The following PCDH15 variants were observed in gnomAD, a reference collection of about 807,000 sequenced individuals.
The protein encoded by PCDH15 is protocadherin-15.
PCDH15 carries 129 observed loss-of-function variants against 178.5 expected under a neutral mutation model. The observed-to-expected ratio is 0.72, with a 90% confidence interval of 0.63 to 0.84. PCDH15 has a LOEUF of 0.84. Ranked by LOEUF, PCDH15 falls within the 40% of genes least tolerant of loss-of-function variation. The pLI is 0.00. For missense variants in PCDH15, 2,230 were observed against 2,099.9 expected, an observed-to-expected ratio of 1.06 and a Z score of -1.21; for synonymous variants, 800 against 732.0, an observed-to-expected ratio of 1.09 and a Z score of -1.50.
At chr10:54,056,488 G>A (rs1346574720) in intron 18 of PCDH15, among the ~76,000 whole-genome samples, 1 of 152,098 alleles carries the variant, frequency 6.6e-6, no homozygotes, top group African/African-American at 2.4e-5. Context: ...CTTGTGCAGG[G>A]GATCTCCCAT....
intron 8 of PCDH15, among the ~76,000 whole-genome samples, chr10:54,256,791 ACT>A (rs1447890779): frequency 2.0e-5 from 3 of 151,976 alleles, no homozygotes; most frequent in Non-Finnish European, 4.4e-5. Flanking sequence ...TCACATTTCA[ACT>A]CAAATTCTCC....
intron 2 of PCDH15, among the ~76,000 whole-genome samples, chr10:54,919,047 C>T (rs563713596): frequency 2.4e-4 from 36 of 152,090 alleles, no homozygotes; most frequent in African/African-American, 8.2e-4. Flanking sequence ...ATATTAAATG[C>T]TGTTGCTTTC....
intron 1 of PCDH15, among the ~76,000 whole-genome samples, chr10:54,786,220 G>A (rs1458435961): frequency 1.3e-5 from 2 of 152,004 alleles, no homozygotes; most frequent in African/African-American, 2.4e-5. Flanking sequence ...GTATATCAAT[G>A]CTAGGATAAT....
chr10:55,111,791 C>T lies in PCDH15; in HGVS notation c.-80+54785G>A, dbSNP rs562032284. On this transcript the variant is annotated intron_variant, in intron 2 of 5. Coordinates refer to the PCDH15 transcript ENST00000458638. ...CTGGGAGGCAGAGGGTGCAGTGAGCCGAGATCATGCCATTGCACTACATTG... is the reference window on the plus strand; with the variant it reads ...CTGGGAGGCAGAGGGTGCAGTGAGCTGAGATCATGCCATTGCACTACATTG... Among the ~76,000 whole-genome samples, 19 of 152,094 alleles carry T rather than the reference C, an allele frequency of 1.2e-4. 1 individual carries two copies. The highest frequency in any genetic ancestry group is 6.8e-3 in the Middle Eastern group (2 of 294).
intron 8 of PCDH15, among the ~76,000 whole-genome samples, chr10:54,286,817 G>C (rs1053031807): frequency 6.6e-6 from 1 of 152,084 alleles, no homozygotes; most frequent in East Asian, 1.9e-4. Flanking sequence ...TAGTAGAGAC[G>C]GGGTTTTGCC....
intron 3 of PCDH15, among the ~76,000 whole-genome samples, chr10:54,417,355 C>A (rs1954587575): frequency 6.6e-6 from 1 of 151,990 alleles, no homozygotes; most frequent in South Asian, 2.1e-4. Context: ...GGTCTGAGAT[C>A]TTAGTCTAGC....
chr10:54,723,307 C>G (rs1941949771), intron 1 of PCDH15, among the ~76,000 whole-genome samples: 1 of 151,666 alleles, frequency 6.6e-6, no homozygotes, highest in South Asian at 2.1e-4. Context: ...GAAAGATGCT[C>G]TATTCAATAA....
chr10:54,586,936 T>C (rs748755951), intron 2 of PCDH15, among the ~76,000 whole-genome samples: 4 of 152,190 alleles, frequency 2.6e-5, no homozygotes, highest in Non-Finnish European at 5.9e-5. Context: ...TTGTTCTCTG[T>C]TATTTCGCAA....
chr10:54,458,651 C>T (rs1457108895), intron 3 of PCDH15, among the ~76,000 whole-genome samples: 1 of 152,024 alleles, frequency 6.6e-6, no homozygotes, highest in Non-Finnish European at 1.5e-5. Flanking sequence ...TATATATTTA[C>T]TTGCAGAACT....
At chr10:54,231,765 T>C (rs919185911) in intron 9 of PCDH15, among the ~76,000 whole-genome samples, 3 of 152,198 alleles carry the variant, frequency 2.0e-5, no homozygotes, top group African/African-American at 7.2e-5. Context: ...GGAGATTATT[T>C]TGGAGATTTA....
At chr10:54,463,297 T>C (rs549724617) in intron 3 of PCDH15, among the ~76,000 whole-genome samples, 78 of 152,294 alleles carry the variant, frequency 5.1e-4, no homozygotes, top group Non-Finnish European at 8.5e-4. Flanking sequence ...TCACATTAAG[T>C]GTCATTTGCA....
intron 2 of PCDH15, among the ~76,000 whole-genome samples, chr10:55,594,395 A>C (rs1842902024): frequency 6.6e-6 from 1 of 152,038 alleles, no homozygotes; most frequent in Non-Finnish European, 1.5e-5. Flanking sequence ...AGGAAAACTA[A>C]AATCACAAAG....
chr10:54,735,765 A>G (rs565476638), intron 1 of PCDH15, among the ~76,000 whole-genome samples: 35 of 117,720 alleles, frequency 3.0e-4, no homozygotes, highest in African/African-American at 1.0e-3. Flanking sequence ...CTATCGCAAG[A>G]ACAAAAAACC....
intron 1 of PCDH15, among the ~76,000 whole-genome samples, chr10:55,290,195 T>A (rs1170111547): frequency 2.0e-5 from 3 of 151,978 alleles, no homozygotes; most frequent in Non-Finnish European, 4.4e-5. Flanking sequence ...TTGTGTGAAT[T>A]GAATTGTGTC....
chr10:54,011,530 G>A (rs1589899936), intron 20 of PCDH15, among the ~76,000 whole-genome samples: 1 of 152,146 alleles, frequency 6.6e-6, no homozygotes, highest in Admixed American at 6.5e-5. Flanking sequence ...TATACAGCCA[G>A]CAGTCAAGTG....
intron 2 of PCDH15, among the ~76,000 whole-genome samples, chr10:55,329,472 A>C (rs1844134506): frequency 1.3e-5 from 2 of 151,934 alleles, no homozygotes; most frequent in Middle Eastern, 3.4e-3. Context: ...GAAAGCAAAA[A>C]AAAATTCAGA....
chr10:54,428,246 A>G lies in PCDH15; in HGVS notation c.158-49304T>C, dbSNP rs117374380. On this transcript the variant is annotated intron_variant, in intron 3 of 37. Transcript: ENST00000644397. ...CCTTTCGGAGAGCATCCATTGACTCATAGCTGGCTAATGTAGTGATACAAA... is the reference window on the plus strand; with the variant it reads ...CCTTTCGGAGAGCATCCATTGACTCGTAGCTGGCTAATGTAGTGATACAAA... 2.1e-3 allele frequency among the ~76,000 whole-genome samples: 316 copies of G among 152,314 alleles called. 7 individuals are homozygous for G. The East Asian group carries it at 0.05, about 24-fold the overall frequency.
In PCDH15 at chr10:53,827,554, A is replaced by ATAAAG; in HGVS notation, c.4212-11_4212-7dup. ...TTGTACACTCAGCTTGACGTCTTGG[A>ATAAAG]TAAAGTAAGGATGGCTTGTAAAACT... is the stretch of plus-strand genomic sequence containing the variant. On this transcript the variant is annotated splice_polypyrimidine_tract_variant and splice_region_variant and intron_variant, in intron 31 of 37. Coordinates refer to ENST00000644397, the MANE Select transcript of PCDH15 (RefSeq NM_001384140.1). The ATAAAG allele has an allele frequency of 6.2e-7, 1 of 1,614,142 alleles. No homozygotes were observed. The highest frequency in any genetic ancestry group is 8.5e-7 in the Non-Finnish European group (1 of 1,179,962).
chr10:54,330,939 T>C (rs1453343655), intron 6 of PCDH15, among the ~76,000 whole-genome samples: 1 of 151,614 alleles, frequency 6.6e-6, no homozygotes, highest in Non-Finnish European at 1.5e-5. Context: ...ATATTTAGTT[T>C]GAATCTGCAT....
Sources: allele counts gnomAD v4.1 joint callset (sites outside exome capture counted in the v4.1 genomes callset), GRCh38; gene constraint gnomAD v4.1.1; transcripts MANE v1.5; gene names NCBI Gene and HGNC (gene_info 2026-07-23, HGNC 2026-07-21).